Variants in TET1 observed in about 807,000 individuals in gnomAD.
TET1 encodes tet methylcytosine dioxygenase 1, also known as methylcytosine dioxygenase TET1.
In TET1, 13 loss-of-function variants were observed where a neutral mutation model predicts 148.7. That is an observed-to-expected ratio of 0.09 (90% CI 0.06 to 0.14). The LOEUF is 0.14. Among genes scored for constraint, TET1 ranks in the 10% least tolerant of loss-of-function variants. The probability of loss-of-function intolerance (pLI) is 1.00; values close to 1 mark genes in which losing one functional copy is unlikely to be tolerated. For synonymous variants in TET1, 907 were observed against 937.2 expected (o/e 0.97, Z 0.59); for missense variants, 2,182 against 2,553.8 (o/e 0.85, Z 3.14).
intron 3 of TET1, among the ~76,000 whole-genome samples, chr10:68,605,299 C>G (rs905579516): frequency 2.6e-5 from 4 of 151,980 alleles, no homozygotes; most frequent in African/African-American, 9.7e-5. Flanking sequence ...ATAGAGAAAC[C>G]CCCATCTCTA....
intron 3 of TET1, among the ~76,000 whole-genome samples, chr10:68,608,200 T>C (rs943332815): frequency 6.6e-6 from 1 of 152,094 alleles, no homozygotes; most frequent in Non-Finnish European, 1.5e-5. Context: ...AGTGCTGGGA[T>C]TATAGGCATG....
intron 6 of TET1, among the ~76,000 whole-genome samples, chr10:68,654,007 T>C (rs10998366): frequency 0.063 from 9,236 of 146,494 alleles, 396 homozygotes; most frequent in Non-Finnish European, 0.088. Flanking sequence ...CTTGGGAGGC[T>C]GAGGCAGGAG....
At chr10:68,673,935 C>CTTTTTTTTTTTTTTTTTTTTTTTTTTTT (rs11381293) in intron 8 of TET1, among the ~76,000 whole-genome samples, 2 of 120,278 alleles carry the variant, frequency 1.7e-5, no homozygotes, top group Non-Finnish European at 3.4e-5. Flanking sequence ...CTTTCTTTTT[C>CTTTTTTTTTTTTTTTTTTTTTTTTTTTT]TTTTTTTTTT....
At chr10:68,563,827 G>A (rs754037208) in intron 1 of TET1, among the ~76,000 whole-genome samples, 1 of 152,210 alleles carries the variant, frequency 6.6e-6, no homozygotes, top group East Asian at 1.9e-4. Context: ...GATTACAGGC[G>A]TGTGCCACCA....
intron 4 of TET1, among the ~76,000 whole-genome samples, chr10:68,648,942 C>G (rs2133103456): frequency 6.6e-6 from 1 of 152,270 alleles, no homozygotes; most frequent in Admixed American, 6.5e-5. Context: ...TGCAATGTGC[C>G]AGTTATCAAG....
At chr10:68,617,651 T>C (rs561932145) in intron 3 of TET1, among the ~76,000 whole-genome samples, 10 of 152,212 alleles carry the variant, frequency 6.6e-5, no homozygotes, top group African/African-American at 2.2e-4. Flanking sequence ...GTTCAAGCGA[T>C]TCTCCTGCTT....
At position 68,646,754 on chromosome 10, in the gene TET1, A is replaced by G. The variant is rs2054855999; in HGVS notation, c.4025A>G (p.His1342Arg). Residue 1342 changes from histidine to arginine, a missense_variant, in exon 4 of 12, where the codon CAT (histidine) becomes CGT (arginine). By Grantham distance (29) the His-to-Arg change is conservative (BLOSUM62 0). Coordinates refer to ENST00000373644, the MANE Select transcript of TET1 (RefSeq NM_030625.3). ...QRLPTLPGISHETPLPESALT... is the reference protein window; with the variant it reads ...QRLPTLPGISRETPLPESALT... ...CTGCCAACATTGCCTGGTATCTCTC[A>G]TGAAACACCCTTACCGGAGTCAGCA... The G allele has an allele frequency of 1.2e-6, 2 of 1,614,146 alleles. No individual in the cohort carries two copies. The highest frequency in any genetic ancestry group is 1.3e-5 in the African/African-American group (1 of 75,044).
At chr10:68,686,879 T>C (rs893630698) in intron 11 of TET1, among the ~76,000 whole-genome samples, 172 bp downstream of exon 11, 2 of 152,130 alleles carry the variant, frequency 1.3e-5, no homozygotes, top group African/African-American at 4.8e-5. Context: ...TTGGTAACTT[T>C]TTCGACTTAT....
chr10:68,615,003 C>A (rs367608860), intron 3 of TET1, among the ~76,000 whole-genome samples: 50 of 151,082 alleles, frequency 3.3e-4, no homozygotes, highest in African/African-American at 1.2e-3. Context: ...GGTGTGATAT[C>A]GGCTCACTGC....
At chr10:68,582,867 C>G (rs1219778217) in intron 2 of TET1, among the ~76,000 whole-genome samples, 1 of 152,168 alleles carries the variant, frequency 6.6e-6, no homozygotes, top group Non-Finnish European at 1.5e-5. Flanking sequence ...CAGTAGCATA[C>G]TGCACCACAG....
Position 68,694,419 on chromosome 10 carries a change from CT to C in TET1, c.*2609del, listed in dbSNP as rs2055630468. On this transcript the variant is annotated 3_prime_UTR_variant, in exon 12 of 12. Transcript: ENST00000373644. ...TTGTGATTGTATGCTGGCTACACTG[CT>C]TTTAGAATGCTCTTTCTCATGAAGC... The C allele has an allele frequency of 4.3e-6, 1 of 232,200 alleles. No individual in the cohort carries two copies. The highest frequency in any genetic ancestry group is 2.2e-5 in the African/African-American group (1 of 45,294). 14.4% of individuals were successfully genotyped at this position (232,200 alleles called of 1,614,324 possible).
At chr10:68,671,356 A>C (rs1200347514) in intron 7 of TET1, among the ~76,000 whole-genome samples, 1 of 152,206 alleles carries the variant, frequency 6.6e-6, no homozygotes, top group Non-Finnish European at 1.5e-5. Context: ...AGCTTTATTC[A>C]TGTTCCCACA....
intron 3 of TET1, among the ~76,000 whole-genome samples, chr10:68,639,390 C>T (rs1246539002): frequency 6.9e-6 from 1 of 144,430 alleles, no homozygotes; most frequent in Admixed American, 7.0e-5. Context: ...CCACTGCACT[C>T]CAGCTCGGGT....
At chr10:68,584,795 C>T (rs1343458850) in intron 2 of TET1, among the ~76,000 whole-genome samples, 2 of 151,846 alleles carry the variant, frequency 1.3e-5, no homozygotes, top group Non-Finnish European at 1.5e-5. Flanking sequence ...TACCCCAAAA[C>T]AACATTGTAT....
intron 6 of TET1, among the ~76,000 whole-genome samples, chr10:68,652,815 G>A (rs2054957920): frequency 6.9e-6 from 1 of 144,186 alleles, no homozygotes; most frequent in African/African-American, 2.6e-5. Context: ...TAGCCTCCAA[G>A]TACTTAAGAC....
intron 8 of TET1, among the ~76,000 whole-genome samples, chr10:68,676,383 A>G (rs1291139016): frequency 1.4e-5 from 2 of 139,904 alleles, no homozygotes; most frequent in Non-Finnish European, 3.0e-5. Context: ...TCCCAGGTTC[A>G]CGCCATTCTC....
At chr10:68,647,132 T>C in intron 4 of TET1, 127 bp downstream of exon 4, 1 of 1,031,224 alleles carries the variant, frequency 9.7e-7, no homozygotes, top group Non-Finnish European at 1.4e-6. Context: ...CTAAGATGGA[T>C]TAAGTAAATC....
At chr10:68,680,607 C>G (rs1022379203) in intron 8 of TET1, among the ~76,000 whole-genome samples, 8 of 152,352 alleles carry the variant, frequency 5.3e-5, no homozygotes, top group African/African-American at 1.7e-4. Context: ...CTCGGCCTCC[C>G]AAAATGTTGG....
At chr10:68,638,192 T>C (rs533662332) in intron 3 of TET1, among the ~76,000 whole-genome samples, 18 of 152,230 alleles carry the variant, frequency 1.2e-4, no homozygotes, top group African/African-American at 4.3e-4. Flanking sequence ...GTAGTGTCAG[T>C]GGGAGGAAGT....
Sources: allele counts gnomAD v4.1 joint callset (sites outside exome capture counted in the v4.1 genomes callset), GRCh38; gene constraint gnomAD v4.1.1; transcripts MANE v1.5; gene names NCBI Gene and HGNC (gene_info 2026-07-23, HGNC 2026-07-21).